Variants in ARF3 observed in about 807,000 individuals in gnomAD.
ARF3 encodes ARF GTPase 3, also known as ADP-ribosylation factor 3.
A neutral mutation model predicts 19.3 loss-of-function variants in ARF3; 5 were observed. That is an observed-to-expected ratio of 0.26 (90% CI 0.14 to 0.54). ARF3 has a LOEUF of 0.54. Among genes scored for constraint, ARF3 ranks in the 20% least tolerant of loss-of-function variants. The pLI is 0.95. For synonymous variants in ARF3, 71 were observed against 89.2 expected, an observed-to-expected ratio of 0.80 and a Z score of 1.15; for missense variants, 77 against 234.2, an observed-to-expected ratio of 0.33 and a Z score of 4.38.
Position 48,938,801 on chromosome 12 carries a change from G to T in ARF3, c.*146C>A. The T allele has an allele frequency of 9.9e-7, 1 of 1,007,196 alleles. No individual in the cohort carries two copies. Among genetic ancestry groups the T allele is most frequent in the Non-Finnish European group, 1.4e-6 (1 of 691,218 alleles). The allele number at this position is 1,007,196 out of a possible 1,614,324, so 62.4% of individuals were successfully genotyped here. A position where few individuals can be genotyped will look rare whatever the true frequency, so the allele number is the denominator to read the frequency against. On this transcript the variant is annotated 3_prime_UTR_variant, in exon 5 of 5. Coordinates refer to ENST00000256682, the MANE Select transcript of ARF3 (RefSeq NM_001659.3). ...TGGACAGGAAAAAGGAGGGGAGGCA[G>T]GGGAGGCAAGGCTCTTGCTGGGCAT... is the stretch of plus-strand genomic sequence containing the variant.
At chr12:48,947,870 A>C (rs914611595) in intron 1 of ARF3, among the ~76,000 whole-genome samples, 10 of 152,286 alleles carry the variant, frequency 6.6e-5, no homozygotes, top group Middle Eastern at 3.4e-3. Flanking sequence ...GGAAGTAATC[A>C]GACAATAAAG....
intron 2 of ARF3, 77 bp downstream of exon 2, chr12:48,940,871 G>A: frequency 6.8e-7 from 1 of 1,473,054 alleles, no homozygotes; most frequent in South Asian, 1.4e-5. Context: ...GAAGAGGCCA[G>A]GTTGGGGAAC....
intron 1 of ARF3, 54 bp from the exon 2 acceptor site, chr12:48,941,242 G>T: frequency 1.0e-6 from 1 of 975,942 alleles, no homozygotes; most frequent in Non-Finnish European, 1.5e-6. Flanking sequence ...GGACTTCCAA[G>T]TAAATAGAAT....
In ARF3 at chr12:48,941,151, C is replaced by A; in HGVS notation, c.-56G>T. 2 of 1,560,152 alleles carry A rather than the reference C, an allele frequency of 1.3e-6. No homozygotes were observed. Among genetic ancestry groups the A allele is most frequent in the Non-Finnish European group, 1.7e-6 (2 of 1,149,836 alleles). On this transcript the variant is annotated 5_prime_UTR_variant, in exon 2 of 5. Coordinates refer to ENST00000256682, the MANE Select transcript of ARF3 (RefSeq NM_001659.3). ...GGGCCCAAGTAGGGGCAGTGGCAGTCTGGTTTTGGCCTGGTCCCTGGTATG... is the reference window on the plus strand; with the variant it reads ...GGGCCCAAGTAGGGGCAGTGGCAGTATGGTTTTGGCCTGGTCCCTGGTATG...
At position 48,941,168 on chromosome 12, in the gene ARF3, C is replaced by T. The variant is rs868426703; in HGVS notation, c.-73G>A. 100 of 1,488,302 alleles carry T rather than the reference C, an allele frequency of 6.7e-5. No individual in the cohort carries two copies. In the Middle Eastern group the frequency reaches 7.1e-4, roughly 11 times the overall value. 92.2% of individuals were successfully genotyped at this position (1,488,302 alleles called of 1,614,324 possible). A position where few individuals can be genotyped will look rare whatever the true frequency, so the allele number is the denominator to read the frequency against. ...GTGGCAGTCTGGTTTTGGCCTGGTC[C>T]CTGGTATGGAAGACTTGATCCTAGA... On this transcript the variant is annotated 5_prime_UTR_variant, in exon 2 of 5. Transcript: ENST00000256682.
At position 48,939,583 on chromosome 12, in the gene ARF3, T is replaced by A; in HGVS notation, c.384+72A>T. On this transcript the variant is annotated intron_variant, in intron 4 of 4. Transcript: ENST00000256682. The surrounding 1 kb of genome is among the most constrained non-coding windows in gnomAD (Gnocchi z 4.8). ...CATACTAAAAGGGTTAACCATATAA[T>A]AGGCCCAAGAGCCAACAATTTCCAC... 1 of 1,604,516 alleles carries A rather than the reference T, an allele frequency of 6.2e-7. No individual in the cohort carries two copies. Among genetic ancestry groups the A allele is most frequent in the Non-Finnish European group, 8.5e-7 (1 of 1,173,054 alleles).
rs1940195648 is a variant in ARF3 at position 48,938,638 on chromosome 12, AC to A, written c.*308del. On this transcript the variant is annotated 3_prime_UTR_variant, in exon 5 of 5. Transcript: ENST00000256682. ...GCAACCACTGCCAAACAAAGAGAAT[AC>A]CCCACTCGACCTCCCGAAACCCAGA... 1 of 430,782 alleles carries A rather than the reference AC, an allele frequency of 2.3e-6. No homozygotes were observed. Among genetic ancestry groups the A allele is most frequent in the East Asian group, 6.1e-5 (1 of 16,434 alleles). The allele number at this position is 430,782 out of a possible 1,614,324, so 26.7% of individuals were successfully genotyped here. A position where few individuals can be genotyped will look rare whatever the true frequency, so the allele number is the denominator to read the frequency against.
In ARF3 at chr12:48,940,255, C is replaced by T. The variant is rs538346883; in HGVS notation, c.149-148G>A. The T allele has an allele frequency of 9.7e-5, 66 of 683,138 alleles. No individual in the cohort carries two copies. In the South Asian group the frequency reaches 1.1e-3, roughly 11 times the overall value. The allele number at this position is 683,138 out of a possible 1,614,324, so 42.3% of individuals were successfully genotyped here. A position where few individuals can be genotyped will look rare whatever the true frequency, so the allele number is the denominator to read the frequency against. Reference sequence around the variant, plus strand: ...CTAAGGCTTCCTCAGACCTGATAATCGTTAAGCTAGCAGCCTGAAGGCCAA... The same window carrying T: ...CTAAGGCTTCCTCAGACCTGATAATTGTTAAGCTAGCAGCCTGAAGGCCAA... On this transcript the variant is annotated intron_variant, in intron 2 of 4. Transcript: ENST00000256682.
chr12:48,954,333 T>C (rs1940522485), intron 1 of ARF3, among the ~76,000 whole-genome samples: 1 of 152,182 alleles, frequency 6.6e-6, no homozygotes, highest in South Asian at 2.1e-4. Flanking sequence ...CAATCATCCC[T>C]CTACACAAGC....
At chr12:48,948,042 CAA>C (rs768612497) in intron 1 of ARF3, among the ~76,000 whole-genome samples, 11 of 73,166 alleles carry the variant, frequency 1.5e-4, no homozygotes, top group East Asian at 3.8e-4. Flanking sequence ...CCCATCGCTA[CAA>C]AAAAAAAAAA....
rs1940229754 is a variant in ARF3 at position 48,940,249 on chromosome 12, G to A, written c.149-142C>T. The stretch of plus-strand genomic sequence containing the variant: ...CAAAAGCTAAGGCTTCCTCAGACCT[G>A]ATAATCGTTAAGCTAGCAGCCTGAA... On this transcript the variant is annotated intron_variant, in intron 2 of 4. Transcript: ENST00000256682. 15 of 703,214 alleles carry A rather than the reference G, an allele frequency of 2.1e-5. No homozygotes were observed. In the South Asian group the frequency reaches 2.4e-4, roughly 11 times the overall value. 43.6% of individuals were successfully genotyped at this position (703,214 alleles called of 1,614,324 possible). A position where few individuals can be genotyped will look rare whatever the true frequency, so the allele number is the denominator to read the frequency against.
At chr12:48,942,891 G>A (rs1592240066) in intron 1 of ARF3, among the ~76,000 whole-genome samples, 1 of 152,194 alleles carries the variant, frequency 6.6e-6, no homozygotes, top group African/African-American at 2.4e-5. Context: ...TGGATCACCT[G>A]AGGTCAGGAG....
intron 1 of ARF3, among the ~76,000 whole-genome samples, chr12:48,948,965 G>A: frequency 6.6e-6 from 1 of 152,266 alleles, no homozygotes; most frequent in Non-Finnish European, 1.5e-5. Flanking sequence ...AAGACTGGAG[G>A]CACAGACACT....
In ARF3 at chr12:48,939,240, C is replaced by A; in HGVS notation, c.385-132G>T. 1 of 1,052,154 alleles carries A rather than the reference C, an allele frequency of 9.5e-7. No homozygotes were observed. The highest frequency in any genetic ancestry group is 1.3e-6 in the Non-Finnish European group (1 of 745,744). The allele number at this position is 1,052,154 out of a possible 1,614,324, so 65.2% of individuals were successfully genotyped here. Reference sequence around the variant, plus strand: ...TATTTTAGGAAACCCAGAACAAGATCCTAAGGAGCTACTTTGGATTTAGTC... The same window carrying A: ...TATTTTAGGAAACCCAGAACAAGATACTAAGGAGCTACTTTGGATTTAGTC... On this transcript the variant is annotated intron_variant, in intron 4 of 4. Coordinates refer to ENST00000256682, the MANE Select transcript of ARF3 (RefSeq NM_001659.3). The surrounding 1 kb of genome is among the most constrained non-coding windows in gnomAD (Gnocchi z 4.8).
chr12:48,942,052 C>T (rs1343769725), intron 1 of ARF3, among the ~76,000 whole-genome samples: 1 of 152,128 alleles, frequency 6.6e-6, no homozygotes, highest in East Asian at 1.9e-4. Flanking sequence ...AAACCAAACT[C>T]AGGTCATATG....
At position 48,938,388 on chromosome 12, in the gene ARF3, T is replaced by C. The variant is rs1407085568; in HGVS notation, c.*559A>G. 2 of 454,208 alleles carry C rather than the reference T, an allele frequency of 4.4e-6. No individual in the cohort carries two copies. The highest frequency in any genetic ancestry group is 4.0e-5 in the African/African-American group (2 of 50,016). The allele number at this position is 454,208 out of a possible 1,614,324, so 28.1% of individuals were successfully genotyped here. A position where few individuals can be genotyped will look rare whatever the true frequency, so the allele number is the denominator to read the frequency against. ...GCAGATGACAGGCTCCAGTGGGCAG[T>C]GTCCTGGCTGCAAGCCCTGAGCTTC... is the stretch of plus-strand genomic sequence containing the variant. On this transcript the variant is annotated 3_prime_UTR_variant, in exon 5 of 5. Coordinates refer to ENST00000256682, the MANE Select transcript of ARF3 (RefSeq NM_001659.3).
chr12:48,945,349 G>T (rs537491070), intron 1 of ARF3, among the ~76,000 whole-genome samples: 2 of 152,120 alleles, frequency 1.3e-5, no homozygotes, highest in Non-Finnish European at 2.9e-5. Context: ...GGAGGCCAAG[G>T]CGGGCGGAAC....
At chr12:48,945,669 GC>G (rs1177423511) in intron 1 of ARF3, among the ~76,000 whole-genome samples, 2 of 152,080 alleles carry the variant, frequency 1.3e-5, no homozygotes, top group African/African-American at 4.8e-5. Flanking sequence ...GTTGCAGTGA[GC>G]CGAGATCACG....
intron 2 of ARF3, among the ~76,000 whole-genome samples, 195 bp downstream of exon 2, chr12:48,940,753 G>A (rs1188243854): frequency 6.6e-6 from 1 of 152,214 alleles, no homozygotes; most frequent in African/African-American, 2.4e-5. Flanking sequence ...TCCCGCATCA[G>A]GGAGAGCCAG....
Sources: allele counts gnomAD v4.1 joint callset (sites outside exome capture counted in the v4.1 genomes callset), GRCh38; gene constraint gnomAD v4.1.1; non-coding constraint Gnocchi (gnomAD v3.1); transcripts MANE v1.5; gene names NCBI Gene and HGNC (gene_info 2026-07-23, HGNC 2026-07-21).